The following DORIP1 variants were observed in gnomAD, a reference collection of about 807,000 sequenced individuals.
DORIP1 encodes the protein dopamine receptor interacting protein 1.
At chr14:44,904,730 C>T in the DORIP1 span, 3 of 451,204 alleles carry the variant, frequency 6.6e-6, no homozygotes, top group South Asian at 1.4e-4. Flanking sequence ...GTGTGGACTA[C>T]AGAATAGACA....
chr14:44,899,149 T>C, the DORIP1 span: 15 of 152,182 alleles, frequency 9.9e-5, no homozygotes, highest in African/African-American at 2.9e-4. Context: ...TTCAATACAA[T>C]TGTAAAAAGA....
the DORIP1 span, among the ~76,000 whole-genome samples, chr14:44,899,636 TTATG>T: frequency 6.6e-6 from 1 of 151,956 alleles, no homozygotes; most frequent in Non-Finnish European, 1.5e-5. Flanking sequence ...AATATAAAGA[TTATG>T]TAATGGCTAT....
the DORIP1 span, chr14:44,898,762 T>C: frequency 6.6e-6 from 1 of 152,220 alleles, no homozygotes; most frequent in African/African-American, 2.4e-5. Context: ...CTCTTCATAC[T>C]AAATATAGTT....
the DORIP1 span, chr14:44,905,896 C>A: frequency 4.0e-4 from 63 of 156,642 alleles, no homozygotes; most frequent in African/African-American, 1.4e-3. Flanking sequence ...CTAAATTTTT[C>A]TTTTTGGATA....
chr14:44,897,611 TG>T, the DORIP1 span: 1 of 157,928 alleles, frequency 6.3e-6, no homozygotes, highest in East Asian at 1.9e-4. Flanking sequence ...CTGGCCGGTG[TG>T]GGAACGCCTT....
At chr14:44,901,976 A>G in the DORIP1 span, among the ~76,000 whole-genome samples, 4 of 152,222 alleles carry the variant, frequency 2.6e-5, no homozygotes, top group Non-Finnish European at 5.9e-5. Context: ...TGCCAGTGGA[A>G]GAAAAACAGA....
At chr14:44,897,740 G>C in the DORIP1 span, among the ~76,000 whole-genome samples, 1 of 152,138 alleles carries the variant, frequency 6.6e-6, no homozygotes, top group Non-Finnish European at 1.5e-5. Flanking sequence ...GGACCCGCCC[G>C]CCTCGGTGCC....
At chr14:44,905,060 A>AAT in the DORIP1 span, 1 of 213,930 alleles carries the variant, frequency 4.7e-6, no homozygotes, top group Non-Finnish European at 9.1e-6. Context: ...TATAAATAAA[A>AAT]ATATCTGCAT....
chr14:44,902,114 ACTGT>A, the DORIP1 span, among the ~76,000 whole-genome samples: 40 of 152,312 alleles, frequency 2.6e-4, no homozygotes, highest in South Asian at 2.3e-3. Flanking sequence ...TCTGAAATAC[ACTGT>A]CTATTTTCCT....
At chr14:44,904,383 T>C in the DORIP1 span, 2 of 1,607,430 alleles carry the variant, frequency 1.2e-6, no homozygotes, top group East Asian at 4.5e-5. Flanking sequence ...TCATGCCTGT[T>C]TTCTATTTTA....
chr14:44,897,467 AGGCAGC>A, the DORIP1 span: 19 of 212,258 alleles, frequency 9.0e-5, no homozygotes, highest in Non-Finnish European at 1.5e-4. Context: ...CTCATAGATG[AGGCAGC>A]GGCGGCGGCG....
chr14:44,900,675 C>G, the DORIP1 span: 2 of 1,612,406 alleles, frequency 1.2e-6, no homozygotes, highest in Non-Finnish European at 1.7e-6. Flanking sequence ...CTAGGGAACT[C>G]TCTCTTCATT....
chr14:44,902,916 G>C, the DORIP1 span, among the ~76,000 whole-genome samples: 1 of 152,072 alleles, frequency 6.6e-6, no homozygotes, highest in East Asian at 1.9e-4. Context: ...TCCTTCCCAC[G>C]AGACCAGATT....
At chr14:44,905,059 A>C in the DORIP1 span, 1 of 212,486 alleles carries the variant, frequency 4.7e-6, no homozygotes, top group Non-Finnish European at 9.2e-6. Flanking sequence ...CTATAAATAA[A>C]AATATCTGCA....
At chr14:44,898,784 T>G in the DORIP1 span, 1 of 152,348 alleles carries the variant, frequency 6.6e-6, no homozygotes, top group South Asian at 2.1e-4. Context: ...CTGGATATTT[T>G]AGAGTCCACA....
the DORIP1 span, chr14:44,900,479 A>G: frequency 2.1e-4 from 320 of 1,557,982 alleles, no homozygotes; most frequent in Non-Finnish European, 2.7e-4. Context: ...ATTAAAAATA[A>G]CTATAACCAA....
chr14:44,905,548 T>C, the DORIP1 span: 15 of 1,492,728 alleles, frequency 1.0e-5, no homozygotes, highest in Non-Finnish European at 1.3e-5. Context: ...AACAGAGAAA[T>C]AAATATAGAT....
chr14:44,903,816 C>T, the DORIP1 span: 2 of 984,128 alleles, frequency 2.0e-6, no homozygotes, highest in Middle Eastern at 5.2e-4. Context: ...AGAAAGTGAA[C>T]GAATATATTG....
the DORIP1 span, chr14:44,904,997 T>A: frequency 2.9e-5 from 5 of 175,194 alleles, no homozygotes; most frequent in Non-Finnish European, 6.0e-5. Context: ...GTCAGAGAAG[T>A]TCGTAGTAGT....
Sources: allele counts gnomAD v4.1 joint callset (sites outside exome capture counted in the v4.1 genomes callset), GRCh38; gene constraint gnomAD v4.1.1; transcripts MANE v1.5; gene names NCBI Gene and HGNC (gene_info 2026-07-23, HGNC 2026-07-21).